KCNQ5: variants seen among roughly 807,000 people sequenced by gnomAD.
The protein encoded by KCNQ5 is potassium voltage-gated channel subfamily KQT member 5.
Under a neutral mutation model 98.2 loss-of-function variants are expected in KCNQ5, and 30 were observed. The ratio of observed to expected loss-of-function variants is 0.31; its 90% confidence interval spans 0.23 to 0.41. The LOEUF (loss-of-function observed/expected upper bound fraction) is 0.41. Among genes scored for constraint, KCNQ5 ranks in the 10% least tolerant of loss-of-function variants. The probability of loss-of-function intolerance (pLI) is 1.00; values close to 1 mark genes in which losing one functional copy is unlikely to be tolerated. For missense variants in KCNQ5, 835 were observed against 1,182.5 expected, an observed-to-expected ratio of 0.71 and a Z score of 4.31; for synonymous variants, 458 against 449.4, an observed-to-expected ratio of 1.02 and a Z score of -0.24.
chr6:73,123,666 G>C (rs1297343703), intron 8 of KCNQ5, among the ~76,000 whole-genome samples: 2 of 152,174 alleles, frequency 1.3e-5, no homozygotes, highest in Non-Finnish European at 2.9e-5. Context: ...TCCTCAAAGA[G>C]AGTGAAGCTG....
In KCNQ5 at chr6:72,987,657, C is replaced by T. The variant is rs1358509298; in HGVS notation, c.399-16251C>T. The stretch of plus-strand genomic sequence containing the variant: ...GTGACCGGGCCATGAGCTGGAAGTA[C>T]AGCCGCGGAGCCCGTCTCTGCTTCT... On this transcript the variant is annotated intron_variant, in intron 1 of 13. Transcript: ENST00000370398. 4.7e-5 allele frequency: 29 copies of T among 618,854 alleles called. No homozygotes were observed. The East Asian group carries it at 1.1e-3, about 23-fold the overall frequency. 38.3% of individuals were successfully genotyped at this position (618,854 alleles called of 1,614,324 possible).
chr6:73,086,791 T>G (rs1051901958), intron 5 of KCNQ5, among the ~76,000 whole-genome samples: 1 of 152,142 alleles, frequency 6.6e-6, no homozygotes, highest in Admixed American at 6.5e-5. Context: ...AGCTGTAATA[T>G]AGAGTAATCA....
intron 11 of KCNQ5, among the ~76,000 whole-genome samples, chr6:73,177,909 G>T (rs925065658): frequency 6.6e-6 from 1 of 152,328 alleles, no homozygotes; most frequent in Admixed American, 6.5e-5. Context: ...CTCCGAGGCT[G>T]TGTTAAAGTA....
chr6:72,834,649 T>C (rs375886684), intron 1 of KCNQ5, among the ~76,000 whole-genome samples: 10 of 152,180 alleles, frequency 6.6e-5, no homozygotes, highest in African/African-American at 2.4e-4. Context: ...ACTTTAGGAT[T>C]GGCCCTTTGC....
rs558732641 is a variant in KCNQ5 at position 72,655,162 on chromosome 6, G to T, written c.398+32575G>T. 2.1e-4 allele frequency among the ~76,000 whole-genome samples: 30 copies of T among 141,658 alleles called. 1 individual carries two copies. The South Asian group carries it at 6.5e-3, about 31-fold the overall frequency. The allele number at this position is 141,658 out of a possible 152,430, so 92.9% of individuals were successfully genotyped here. A position where few individuals can be genotyped will look rare whatever the true frequency, so the allele number is the denominator to read the frequency against. On this transcript the variant is annotated intron_variant, in intron 1 of 13. Transcript: ENST00000370398. Reference sequence around the variant, plus strand: ...TGGATTCTTGTTTCAGTAGCTATGTGCAAACAAAATGGAAAAAAAAAAAAC... The same window carrying T: ...TGGATTCTTGTTTCAGTAGCTATGTTCAAACAAAATGGAAAAAAAAAAAAC...
chr6:72,629,823 T>G (rs2098919826), intron 1 of KCNQ5, among the ~76,000 whole-genome samples: 2 of 152,198 alleles, frequency 1.3e-5, no homozygotes, highest in African/African-American at 4.8e-5. Flanking sequence ...ATTTGAAGTT[T>G]TATTTGGTTG....
rs148493310 is a variant in KCNQ5 at position 73,046,509 on chromosome 6, G to A, written c.616+4447G>A. The stretch of plus-strand genomic sequence containing the variant: ...TTTATTGAGAACTACTATATATTAG[G>A]TACTACTTTAAGCACTTTATAAATA... On this transcript the variant is annotated intron_variant, in intron 3 of 13. Transcript: ENST00000370398. 4.0e-3 allele frequency among the ~76,000 whole-genome samples: 606 copies of A among 151,374 alleles called. 3 individuals carry two copies. The highest frequency in any genetic ancestry group is 0.014 in the African/African-American group (575 of 41,288).
intron 1 of KCNQ5, among the ~76,000 whole-genome samples, chr6:72,671,816 AT>A (rs564634608): frequency 0.023 from 3,409 of 148,768 alleles, 42 homozygotes; most frequent in Non-Finnish European, 0.03. Context: ...ATCACCAGAA[AT>A]TTTTTTTTTT....
chr6:72,999,372 A>C (rs1769456203), intron 1 of KCNQ5, among the ~76,000 whole-genome samples: 2 of 152,216 alleles, frequency 1.3e-5, no homozygotes, highest in African/African-American at 4.8e-5. Context: ...TTTGGATAAA[A>C]GATCTAGATC....
chr6:73,129,493 T>C (rs191822867), intron 9 of KCNQ5, among the ~76,000 whole-genome samples: 2 of 152,368 alleles, frequency 1.3e-5, no homozygotes, highest in Admixed American at 6.5e-5. Context: ...GTGTTATTGA[T>C]ATTTATTACA....
intron 1 of KCNQ5, among the ~76,000 whole-genome samples, chr6:72,976,599 G>T (rs1015896816): frequency 6.6e-6 from 1 of 152,074 alleles, no homozygotes; most frequent in Non-Finnish European, 1.5e-5. Flanking sequence ...CCCTTTTCTC[G>T]GTTGTGGATG....
chr6:72,843,590 C>T lies in KCNQ5; in HGVS notation c.399-160318C>T, dbSNP rs576601462. Among the ~76,000 whole-genome samples, 7 of 152,216 alleles carry T rather than the reference C, an allele frequency of 4.6e-5. 1 individual carries two copies. The highest frequency in any genetic ancestry group is 2.0e-4 in the Admixed American group (3 of 15,272). ...ACTTTGGGCAGTATGGCCATTTTCA[C>T]GATATTGATTCTTCCTATCCATGAG... On this transcript the variant is annotated intron_variant, in intron 1 of 13. Coordinates refer to ENST00000370398, the MANE Select transcript of KCNQ5 (RefSeq NM_019842.4).
intron 1 of KCNQ5, among the ~76,000 whole-genome samples, chr6:72,923,962 C>A (rs1302924964): frequency 6.6e-6 from 1 of 152,098 alleles, no homozygotes; most frequent in Non-Finnish European, 1.5e-5. Flanking sequence ...GTTTCCTTTT[C>A]AGGTCAAGAT....
At chr6:72,884,753 A>G (rs1238547953) in intron 1 of KCNQ5, among the ~76,000 whole-genome samples, 2 of 151,928 alleles carry the variant, frequency 1.3e-5, no homozygotes, top group South Asian at 4.2e-4. Context: ...AGTAGCTGGG[A>G]CCACAGATGC....
rs1452168299 is a variant in KCNQ5, at chr6:73,195,404, A to G, written c.2789A>G (p.Lys930Arg). The change falls in exon 14 of 14, where the codon AAA becomes AGA. Residue 930 changes from lysine (K) to arginine (R), a missense_variant. By Grantham distance (26) the Lys-to-Arg change is conservative (BLOSUM62 2). Transcript: ENST00000370398. ...STDALSLPHV[K>R]LK ...GATGCCCTCAGCTTGCCTCATGTCA[A>G]ACTGAAATAAGTTCTTCATTTTCTT... The G allele has an allele frequency of 6.2e-7, 1 of 1,612,360 alleles. No individual in the cohort carries two copies. The highest frequency in any genetic ancestry group is 1.7e-5 in the Admixed American group (1 of 59,994).
At chr6:72,699,822 G>A (rs1276343051) in intron 1 of KCNQ5, among the ~76,000 whole-genome samples, 1 of 152,140 alleles carries the variant, frequency 6.6e-6, no homozygotes, top group Non-Finnish European at 1.5e-5. Flanking sequence ...TTGGAGTACT[G>A]TTCATTACTT....
intron 5 of KCNQ5, among the ~76,000 whole-genome samples, chr6:73,098,391 A>T (rs1774612891): frequency 6.6e-6 from 1 of 152,214 alleles, no homozygotes; most frequent in Non-Finnish European, 1.5e-5. Flanking sequence ...CTAGAGAAAG[A>T]TATCAATATT....
intron 7 of KCNQ5, among the ~76,000 whole-genome samples, chr6:73,117,000 T>C (rs909124369): frequency 3.9e-5 from 6 of 152,212 alleles, no homozygotes; most frequent in South Asian, 2.1e-4. Context: ...CTTGTACTTA[T>C]TGAGCAAAGT....
chr6:73,012,472 G>C (rs1056667923), intron 2 of KCNQ5, among the ~76,000 whole-genome samples: 2 of 152,052 alleles, frequency 1.3e-5, no homozygotes, highest in African/African-American at 4.8e-5. Flanking sequence ...GTAGGGATCA[G>C]GGAATAGTGA....
Sources: allele counts gnomAD v4.1 joint callset (sites outside exome capture counted in the v4.1 genomes callset), GRCh38; gene constraint gnomAD v4.1.1; transcripts MANE v1.5; gene names NCBI Gene and HGNC (gene_info 2026-07-23, HGNC 2026-07-21).